B9D2: variants seen among roughly 807,000 people sequenced by gnomAD.
B9D2 encodes the protein B9 domain-containing protein 2.
In B9D2, 21 loss-of-function variants were observed where a neutral mutation model predicts 19.2. The ratio of observed to expected loss-of-function variants is 1.09; its 90% CI spans 0.78 to 1.58. B9D2 has a LOEUF of 1.58. Among genes scored for constraint, B9D2 ranks in the 40% most tolerant of loss-of-function variants. The pLI is 0.00. For synonymous variants in B9D2, 91 were observed against 100.6 expected, an observed-to-expected ratio of 0.90 and a Z score of 0.57; for missense variants, 221 against 244.3, an observed-to-expected ratio of 0.90 and a Z score of 0.64.
chr19:41,363,572 C>T lies in B9D2; in HGVS notation c.-4-49G>A, dbSNP rs558799669. On this transcript the variant is annotated intron_variant, in intron 1 of 3. Transcript: ENST00000243578. Reference sequence around the variant, plus strand: ...CAACCCTGTGAGGTAAGTGTATTATCTCCATTTGACGGGGGGGAAACTGAG... The same window carrying T: ...CAACCCTGTGAGGTAAGTGTATTATTTCCATTTGACGGGGGGGAAACTGAG... 6.7e-4 allele frequency: 992 copies of T among 1,477,982 alleles called. 11 individuals are homozygous for T. The highest frequency in any genetic ancestry group is 4.0e-5 in the Non-Finnish European group (44 of 1,097,072). The allele number at this position is 1,477,982 out of a possible 1,614,324, so 91.6% of individuals were successfully genotyped here.
intron 2 of B9D2, chr19:41,363,118 T>C: frequency 2.6e-6 from 1 of 391,382 alleles, no homozygotes; most frequent in Non-Finnish European, 4.8e-6. Context: ...TGGTGGTGCG[T>C]GTCTGTAGTC....
rs1568483181 is a variant in B9D2 at position 41,354,767 on chromosome 19, C to CCAG, written c.458_460dup (p.Ala153dup). Reference sequence around the variant, plus strand: ...GCCGATCTCCAGGTGCACGGTGCCACCAGCAGCTGTGTGCAGGCGATAGCG... The same window carrying CCAG: ...GCCGATCTCCAGGTGCACGGTGCCACCAGCAGCAGCTGTGTGCAGGCGATAGCG... On this transcript the variant is annotated inframe_insertion, in exon 4 of 4. Transcript: ENST00000243578. 1 of 1,614,080 alleles carries CCAG rather than the reference C, an allele frequency of 6.2e-7. No individual in the cohort carries two copies. Among genetic ancestry groups the CCAG allele is most frequent in the Non-Finnish European group, 8.5e-7 (1 of 1,180,034 alleles).
In B9D2 at chr19:41,354,813, T is replaced by C. The variant is rs1387993639; in HGVS notation, c.415A>G (p.Thr139Ala). ...TAGCGGTCGGCCCCACTGTAGATGGTGTCCCCATGCAGCAGCTGCGGCCCA... is the reference window on the plus strand; with the variant it reads ...TAGCGGTCGGCCCCACTGTAGATGGCGTCCCCATGCAGCAGCTGCGGCCCA... ...GGGPQLLHGD[T>A]IYSGADRYRL... is the part of the protein sequence containing the mutation. Residue 139 changes from threonine (T) to alanine (A), a missense_variant, in exon 4 of 4, where the codon ACC becomes GCC. Coordinates refer to ENST00000243578, the MANE Select transcript of B9D2 (RefSeq NM_030578.4). 6.2e-7 allele frequency: 1 copy of C among 1,614,028 alleles called. No individual in the cohort carries two copies. Among genetic ancestry groups the C allele is most frequent in the South Asian group, 1.1e-5 (1 of 91,084 alleles).
Position 41,358,030 on chromosome 19 carries a change from G to A in B9D2, c.89-8C>T, listed in dbSNP as rs755963627. On this transcript the variant is annotated splice_polypyrimidine_tract_variant and splice_region_variant and intron_variant, in intron 2 of 3. Coordinates refer to ENST00000243578, the MANE Select transcript of B9D2 (RefSeq NM_030578.4). ...GGAGCTTCCATGCCGCCCCTGCAGT[G>A]AGAGCCGGGACATAGAGGGGTGGGA... 1.9e-6 allele frequency: 3 copies of A among 1,614,086 alleles called. No homozygotes were observed. In the East Asian group the frequency reaches 6.7e-5, roughly 36 times the overall value.
chr19:41,354,566 C>G lies in B9D2; in HGVS notation c.*134G>C, dbSNP rs2038273498. On this transcript the variant is annotated 3_prime_UTR_variant, in exon 4 of 4. Transcript: ENST00000243578. Reference sequence around the variant, plus strand: ...AGGGACCCCGAGGTCCTAGAAAGGACAGAAGCGGTGCCATGCCTTAGCTGG... The same window carrying G: ...AGGGACCCCGAGGTCCTAGAAAGGAGAGAAGCGGTGCCATGCCTTAGCTGG... The G allele has an allele frequency of 1.6e-6, 2 of 1,217,668 alleles. No homozygotes were observed. Among genetic ancestry groups the G allele is most frequent in the African/African-American group, 3.0e-5 (2 of 66,800 alleles). 75.4% of individuals were successfully genotyped at this position (1,217,668 alleles called of 1,614,324 possible).
chr19:41,359,805 A>G (rs540100884), intron 2 of B9D2, among the ~76,000 whole-genome samples: 2 of 152,226 alleles, frequency 1.3e-5, no homozygotes, highest in African/African-American at 4.8e-5. Context: ...TCCACCCTCT[A>G]GGACTCTTAA....
At chr19:41,358,170 G>C in intron 2 of B9D2, 148 bp from the exon 3 acceptor site, 1 of 1,255,228 alleles carries the variant, frequency 8.0e-7, no homozygotes, top group Non-Finnish European at 1.1e-6. Flanking sequence ...TTCAAATCCT[G>C]GCACTACCTC....
intron 3 of B9D2, 82 bp from the exon 4 acceptor site, chr19:41,355,095 G>A: frequency 7.5e-7 from 1 of 1,334,826 alleles, no homozygotes; most frequent in African/African-American, 1.5e-5. Context: ...GATACTCACT[G>A]GAGACCCCAG....
At chr19:41,358,817 C>T (rs2038357187) in intron 2 of B9D2, among the ~76,000 whole-genome samples, 2 of 151,864 alleles carry the variant, frequency 1.3e-5, no homozygotes, top group Non-Finnish European at 2.9e-5. Context: ...ACCAGCCTGA[C>T]CAACATGGCA....
At chr19:41,360,401 TC>T (rs2038385252) in intron 2 of B9D2, among the ~76,000 whole-genome samples, 1 of 152,202 alleles carries the variant, frequency 6.6e-6, no homozygotes, top group Non-Finnish European at 1.5e-5. Context: ...GGTCTCAAAC[TC>T]CTGGGCTCAA....
At chr19:41,362,797 T>A (rs2038432496) in intron 2 of B9D2, among the ~76,000 whole-genome samples, 2 of 152,102 alleles carry the variant, frequency 1.3e-5, no homozygotes, top group South Asian at 4.1e-4. Context: ...AGCTTCACTT[T>A]GAAACAAGGA....
rs375717459 is a variant in B9D2, at chr19:41,363,923, C to G, written c.-5+35G>C. ...GTTATGAGTTCAGGTCCGACTTAAC[C>G]CCGCCTCTAAGCGCAGCGCATGCGT... On this transcript the variant is annotated intron_variant, in intron 1 of 3. Coordinates refer to ENST00000243578, the MANE Select transcript of B9D2 (RefSeq NM_030578.4). 5.1e-5 allele frequency: 20 copies of G among 390,088 alleles called. No individual in the cohort carries two copies. In the East Asian group the frequency reaches 5.9e-4, roughly 12 times the overall value. The allele number at this position is 390,088 out of a possible 1,614,324, so 24.2% of individuals were successfully genotyped here.
intron 3 of B9D2, 62 bp from the exon 4 acceptor site, chr19:41,355,075 C>T (rs748827803): frequency 1.4e-6 from 2 of 1,436,598 alleles, no homozygotes; most frequent in Non-Finnish European, 1.9e-6. Flanking sequence ...CTGCTGATTC[C>T]CCACTCCCTG....
At chr19:41,358,497 G>A (rs2038351846) in intron 2 of B9D2, among the ~76,000 whole-genome samples, 1 of 151,910 alleles carries the variant, frequency 6.6e-6, no homozygotes, top group Non-Finnish European at 1.5e-5. Flanking sequence ...CCTCTCCCAT[G>A]ATAACCCACT....
At chr19:41,356,695 G>A (rs2038319503) in intron 3 of B9D2, among the ~76,000 whole-genome samples, 2 of 151,464 alleles carry the variant, frequency 1.3e-5, no homozygotes, top group South Asian at 4.2e-4. Context: ...AAAAAAAAAG[G>A]CAAAAATTAG....
intron 2 of B9D2, among the ~76,000 whole-genome samples, chr19:41,361,492 A>C (rs2123141023): frequency 6.6e-6 from 1 of 152,268 alleles, no homozygotes; most frequent in Non-Finnish European, 1.5e-5. Flanking sequence ...CTGTAGAATC[A>C]AAAAGGACCC....
At chr19:41,360,181 G>T (rs56656725) in intron 2 of B9D2, among the ~76,000 whole-genome samples, 3 of 143,810 alleles carry the variant, frequency 2.1e-5, no homozygotes, top group African/African-American at 4.9e-5. Context: ...TTCTTTTTTT[G>T]GGGGGGTGGG....
chr19:41,357,820 G>A (rs1457992860), intron 3 of B9D2, 77 bp downstream of exon 3: 11 of 1,591,140 alleles, frequency 6.9e-6, no homozygotes, highest in Middle Eastern at 2.2e-4. Context: ...AGGTCTTGGT[G>A]TTCCCAGCCC....
chr19:41,357,390 T>A (rs2038330394), intron 3 of B9D2, among the ~76,000 whole-genome samples: 1 of 152,174 alleles, frequency 6.6e-6, no homozygotes, highest in Non-Finnish European at 1.5e-5. Context: ...TTTATATTGG[T>A]GAAATATATG....
Sources: gnomAD v4.1 joint callset for allele counts (sites outside exome capture counted in the v4.1 genomes callset) on GRCh38, gnomAD v4.1.1 for gene constraint, MANE v1.5 for transcripts, NCBI Gene and HGNC (gene_info 2026-07-23, HGNC 2026-07-21) for gene names.